Variants in ANK3 observed in about 807,000 individuals in gnomAD.
ANK3 encodes ankyrin 3, also known as ankyrin-3.
Under a neutral mutation model 370.9 loss-of-function variants are expected in ANK3, and 57 were observed. That is an observed-to-expected ratio of 0.15 (90% confidence interval 0.12 to 0.19). The LOEUF is 0.19. ANK3 is among the 10% of genes least tolerant of loss of function. The pLI, the probability that ANK3 is intolerant of heterozygous loss-of-function variation, is 1.00. For synonymous variants in ANK3, 1,929 were observed against 1,946.3 expected (o/e 0.99, Z 0.23); for missense variants, 4,439 against 5,302.1 (o/e 0.84, Z 5.06).
At chr10:60,574,545 A>G (rs1027331662) in intron 2 of ANK3, among the ~76,000 whole-genome samples, 7 of 152,310 alleles carry the variant, frequency 4.6e-5, no homozygotes, top group African/African-American at 1.4e-4. Context: ...TAAAAGGCAG[A>G]ACATCTCAAG....
intron 2 of ANK3, among the ~76,000 whole-genome samples, chr10:60,428,668 A>G (rs2063945234): frequency 6.8e-6 from 1 of 147,898 alleles, no homozygotes; most frequent in Admixed American, 6.7e-5. Flanking sequence ...GGAGCTAGAT[A>G]GGGAATATGT....
Position 60,389,482 on chromosome 10 carries a change from T to C in ANK3, c.57A>G (p.Glu19=), listed in dbSNP as rs2062903894. 1.2e-6 allele frequency: 2 copies of C among 1,614,098 alleles called. No individual in the cohort carries two copies. The highest frequency in any genetic ancestry group is 1.7e-6 in the Non-Finnish European group (2 of 1,179,972). Reference sequence around the variant, plus strand: ...GTTTCCTTTTTTTCTCAGGCTCTTCTTCAGCATTGATTTCTAAATCCCTGT... The same window carrying C: ...GTTTCCTTTTTTTCTCAGGCTCTTCCTCAGCATTGATTTCTAAATCCCTGT... The part of the protein sequence containing the change: ...KKNRDLEINA[E]EEPEKKRKHR... Residue 19 remains glutamate, a synonymous_variant, in exon 1 of 44, where the codon GAA becomes GAG. Transcript: ENST00000280772.
chr10:60,094,546 A>G (rs1437600737), intron 28 of ANK3, among the ~76,000 whole-genome samples: 2 of 152,180 alleles, frequency 1.3e-5, no homozygotes, highest in Non-Finnish European at 2.9e-5. Flanking sequence ...TAAGATATTT[A>G]TAAGTTTTTT....
intron 2 of ANK3, among the ~76,000 whole-genome samples, chr10:60,504,387 C>T (rs2075880064): frequency 6.6e-6 from 1 of 152,086 alleles, no homozygotes; most frequent in Non-Finnish European, 1.5e-5. Flanking sequence ...AAAGGGTTCA[C>T]TTTGTCTCTG....
intron 1 of ANK3, among the ~76,000 whole-genome samples, chr10:60,694,773 G>A (rs574197153): frequency 4.0e-5 from 6 of 151,710 alleles, no homozygotes; most frequent in Non-Finnish European, 8.8e-5. Context: ...GGAACAACCA[G>A]TACCAGCCAC....
chr10:60,661,597 T>G (rs2078936421), intron 1 of ANK3, among the ~76,000 whole-genome samples: 1 of 152,170 alleles, frequency 6.6e-6, no homozygotes, highest in South Asian at 2.1e-4. Flanking sequence ...TTATCCTATA[T>G]TTTATCTTTT....
chr10:60,065,734 C>T (rs1358341331), intron 38 of ANK3, among the ~76,000 whole-genome samples: 3 of 152,102 alleles, frequency 2.0e-5, no homozygotes, highest in African/African-American at 7.2e-5. Context: ...CTCCCCGGAA[C>T]AGAATTTAGC....
At chr10:60,645,746 A>G (rs955925440) in intron 1 of ANK3, among the ~76,000 whole-genome samples, 1 of 152,000 alleles carries the variant, frequency 6.6e-6, no homozygotes, top group Non-Finnish European at 1.5e-5. Context: ...AAAAAAGAAA[A>G]TAATAAAAAA....
chr10:60,194,107 C>T lies in ANK3; in HGVS notation c.1887+2038G>A, dbSNP rs569822768. ...CTGCACTCCAGCCTGGGTGACAGAG[C>T]GAGACTCCGTCTCAAAAAAAAGAAA... is the stretch of plus-strand genomic sequence containing the variant. On this transcript the variant is annotated intron_variant, in intron 16 of 43. Coordinates refer to ENST00000280772, the MANE Select transcript of ANK3 (RefSeq NM_020987.5). 7.3e-5 allele frequency among the ~76,000 whole-genome samples: 11 copies of T among 151,564 alleles called. 1 individual carries two copies. The highest frequency in any genetic ancestry group is 1.9e-4 in the East Asian group (1 of 5,146).
At chr10:60,724,226 A>AG (rs1453322860) in intron 1 of ANK3, among the ~76,000 whole-genome samples, 8 of 149,888 alleles carry the variant, frequency 5.3e-5, no homozygotes, top group African/African-American at 2.0e-4. Context: ...AAAAAAAAAA[A>AG]AAAAAAGAAA....
chr10:60,312,532 C>A (rs912397171), intron 1 of ANK3, among the ~76,000 whole-genome samples: 1 of 152,158 alleles, frequency 6.6e-6, no homozygotes, highest in Non-Finnish European at 1.5e-5. Context: ...CAAGTCATAG[C>A]AATTCTGTCT....
chr10:60,430,986 T>TA (rs2064008363), intron 2 of ANK3, among the ~76,000 whole-genome samples: 2 of 152,210 alleles, frequency 1.3e-5, no homozygotes, highest in Admixed American at 1.3e-4. Flanking sequence ...TCCCAACCTT[T>TA]TTGGCACCAG....
At chr10:60,468,070 C>T (rs1323911174) in intron 2 of ANK3, among the ~76,000 whole-genome samples, 16 of 151,172 alleles carry the variant, frequency 1.1e-4, no homozygotes, top group Admixed American at 4.0e-4. Context: ...CTGCAATCTC[C>T]GCCTCCTGGG....
intron 2 of ANK3, among the ~76,000 whole-genome samples, chr10:60,444,444 GTA>G (rs372579717): frequency 0.023 from 3,457 of 148,532 alleles, 53 homozygotes; most frequent in African/African-American, 0.029. Context: ...GTGTGTGTGT[GTA>G]TATATATATA....
chr10:60,214,230 C>CT (rs1333406885), intron 8 of ANK3, among the ~76,000 whole-genome samples: 14 of 152,116 alleles, frequency 9.2e-5, no homozygotes, highest in Non-Finnish European at 1.8e-4. Context: ...TAGAATAAGA[C>CT]AGGGTTCAGC....
chr10:60,513,267 G>T (rs934241133), intron 2 of ANK3, among the ~76,000 whole-genome samples: 7 of 152,064 alleles, frequency 4.6e-5, no homozygotes, highest in Admixed American at 4.6e-4. Context: ...AGCTATGGTG[G>T]AAACAAAGAT....
intron 33 of ANK3, among the ~76,000 whole-genome samples, chr10:60,083,024 T>C (rs916819435): frequency 3.3e-5 from 5 of 152,168 alleles, no homozygotes; most frequent in African/African-American, 7.2e-5. Context: ...AGTTTTTTTT[T>C]CTGAAAGCTC....
intron 2 of ANK3, among the ~76,000 whole-genome samples, chr10:60,573,608 C>T (rs2077644544): frequency 6.6e-6 from 1 of 152,322 alleles, no homozygotes; most frequent in African/African-American, 2.4e-5. Flanking sequence ...GGGTATTTCA[C>T]ACCTGGGTGG....
At chr10:60,569,160 A>G (rs962876106) in intron 2 of ANK3, among the ~76,000 whole-genome samples, 1 of 152,186 alleles carries the variant, frequency 6.6e-6, no homozygotes. Context: ...GCACTTCTGC[A>G]GTATAATATC....
Sources: gnomAD v4.1 joint callset for allele counts (sites outside exome capture counted in the v4.1 genomes callset) on GRCh38, gnomAD v4.1.1 for gene constraint, MANE v1.5 for transcripts, NCBI Gene and HGNC (gene_info 2026-07-23, HGNC 2026-07-21) for gene names.